TMEM132D: variants seen among roughly 807,000 people sequenced by gnomAD.
TMEM132D encodes mature OL transmembrane protein.
A neutral mutation model predicts 62.3 loss-of-function variants in TMEM132D; 21 were observed. The ratio of observed to expected loss-of-function variants is 0.34; its 90% CI spans 0.24 to 0.49. The LOEUF is 0.49. TMEM132D is among the 20% of genes least tolerant of loss of function. The pLI is 0.99. For missense variants in TMEM132D, 1,346 were observed against 1,402.8 expected (o/e 0.96, Z 0.65); for synonymous variants, 621 against 575.6 (o/e 1.08, Z -1.13).
chr12:129,502,190 G>T (rs564726555), intron 3 of TMEM132D, among the ~76,000 whole-genome samples: 1 of 151,886 alleles, frequency 6.6e-6, no homozygotes, highest in African/African-American at 2.4e-5. Context: ...TAGTAGAGAC[G>T]GGGTTTCACT....
At chr12:129,199,913 G>A (rs976599649) in intron 5 of TMEM132D, among the ~76,000 whole-genome samples, 5 of 152,136 alleles carry the variant, frequency 3.3e-5, no homozygotes, top group Admixed American at 6.6e-5. Context: ...TTTGGGTGGG[G>A]ACACAGCCAA....
In TMEM132D at chr12:129,871,312, T is replaced by C. The variant is rs541982701; in HGVS notation, c.79+31949A>G. On this transcript the variant is annotated intron_variant, in intron 1 of 8. Coordinates refer to ENST00000422113, the MANE Select transcript of TMEM132D (RefSeq NM_133448.3). ...ATGGAGGTCATCCTGAAGTTGACTG[T>C]CATCTTGATATCATGAGGGCAAGTC... Among the ~76,000 whole-genome samples the C allele has an allele frequency of 7.9e-5, 12 of 152,206 alleles. No homozygotes were observed. In the South Asian group the frequency reaches 2.3e-3, roughly 29 times the overall value.
At chr12:129,759,601 T>A (rs1290905842) in intron 1 of TMEM132D, among the ~76,000 whole-genome samples, 1 of 152,192 alleles carries the variant, frequency 6.6e-6, no homozygotes, top group East Asian at 1.9e-4. Flanking sequence ...TAGGTAAAAG[T>A]CCCAGTGCCA....
chr12:129,717,322 G>A (rs1868624289), intron 1 of TMEM132D, among the ~76,000 whole-genome samples: 1 of 152,124 alleles, frequency 6.6e-6, no homozygotes, highest in Non-Finnish European at 1.5e-5. Context: ...TTTGACACAT[G>A]GATTCTTCAT....
At position 129,699,823 on chromosome 12, in the gene TMEM132D, G is replaced by A. The variant is rs370621503; in HGVS notation, c.955C>T (p.Arg319Cys). The change falls in exon 2 of 9, where the codon CGC (arginine) becomes TGC (cysteine). Residue 319 changes from arginine (R) to cysteine (C), a missense_variant. By Grantham distance (180) the Arg-to-Cys change is radical (BLOSUM62 -3). Transcript: ENST00000422113. ...GAAACGACTTACCTCAACGTGAAGC[G>A]ATCTTCAGTGGAATTTCTGGAGATG... ...VSISRNSTED[R>C]FTLRAKVKKG... 3.7e-6 allele frequency: 6 copies of A among 1,613,926 alleles called. No homozygotes were observed. The highest frequency in any genetic ancestry group is 2.2e-5 in the South Asian group (2 of 91,076).
chr12:129,769,244 A>C (rs949726524), intron 1 of TMEM132D, among the ~76,000 whole-genome samples: 3 of 152,184 alleles, frequency 2.0e-5, no homozygotes, highest in Non-Finnish European at 2.9e-5. Context: ...AAAGAAAAAG[A>C]GGTTGAACGA....
At chr12:129,814,324 C>A (rs1340063643) in intron 1 of TMEM132D, among the ~76,000 whole-genome samples, 1 of 152,096 alleles carries the variant, frequency 6.6e-6, no homozygotes, top group African/African-American at 2.4e-5. Flanking sequence ...TTTTTAAAAA[C>A]TAACGCCAGG....
chr12:129,134,810 T>C (rs1876507713), intron 5 of TMEM132D, among the ~76,000 whole-genome samples: 1 of 152,114 alleles, frequency 6.6e-6, no homozygotes, highest in Admixed American at 6.5e-5. Flanking sequence ...TACTTCTCCT[T>C]CTTCTCCTAA....
At chr12:129,884,699 T>C (rs545340943) in intron 1 of TMEM132D, among the ~76,000 whole-genome samples, 2 of 152,348 alleles carry the variant, frequency 1.3e-5, no homozygotes, top group Admixed American at 1.3e-4. Flanking sequence ...TTTTGCAAAA[T>C]AGTTTGGCAG....
At chr12:129,790,707 C>T (rs999706900) in intron 1 of TMEM132D, among the ~76,000 whole-genome samples, 2 of 152,112 alleles carry the variant, frequency 1.3e-5, no homozygotes, top group Non-Finnish European at 2.9e-5. Flanking sequence ...CACTTTGGGC[C>T]ATGGTATAAG....
At chr12:129,298,144 T>C (rs1268875542) in intron 4 of TMEM132D, among the ~76,000 whole-genome samples, 1 of 151,932 alleles carries the variant, frequency 6.6e-6, no homozygotes, top group African/African-American at 2.4e-5. Context: ...CTCATGGGTG[T>C]AGAGGGTAGG....
rs568923298 is a variant in TMEM132D at position 129,580,010 on chromosome 12, G to A, written c.969-48805C>T. On this transcript the variant is annotated intron_variant, in intron 2 of 8. Transcript: ENST00000422113. ...GGAAGAGGGACAATAAAGACAAGAC[G>A]CATCATCACATTGACCATCCAAAGA... is the stretch of plus-strand genomic sequence containing the variant. Among the ~76,000 whole-genome samples the A allele has an allele frequency of 5.3e-5, 8 of 152,260 alleles. No homozygotes were observed. The South Asian group carries it at 6.2e-4, about 12-fold the overall frequency.
intron 3 of TMEM132D, among the ~76,000 whole-genome samples, chr12:129,399,900 G>A (rs1432122954): frequency 1.3e-5 from 2 of 150,656 alleles, no homozygotes; most frequent in Non-Finnish European, 2.9e-5. Context: ...TGTGTGGGGG[G>A]GTATATACAT....
chr12:129,200,426 C>T (rs1029880596), intron 5 of TMEM132D, among the ~76,000 whole-genome samples: 3 of 152,148 alleles, frequency 2.0e-5, no homozygotes, highest in East Asian at 3.9e-4. Context: ...CCAGTCTGCT[C>T]CCTGAGAACT....
chr12:129,498,937 C>G (rs1353212763), intron 3 of TMEM132D, among the ~76,000 whole-genome samples: 1 of 152,182 alleles, frequency 6.6e-6, no homozygotes, highest in Non-Finnish European at 1.5e-5. Context: ...CAGGGAATCA[C>G]TTCATTTCTC....
chr12:129,648,178 G>A (rs1879834836), intron 2 of TMEM132D, among the ~76,000 whole-genome samples: 1 of 152,020 alleles, frequency 6.6e-6, no homozygotes, highest in Non-Finnish European at 1.5e-5. Context: ...ACCTGAGATT[G>A]GTGTTTGGGG....
intron 3 of TMEM132D, among the ~76,000 whole-genome samples, chr12:129,485,685 A>T (rs538426342): frequency 7.9e-5 from 12 of 152,324 alleles, no homozygotes; most frequent in African/African-American, 2.6e-4. Context: ...TCTCCACAGG[A>T]ACATGCCCCT....
chr12:129,488,396 G>T (rs571948238), intron 3 of TMEM132D, among the ~76,000 whole-genome samples: 1 of 152,224 alleles, frequency 6.6e-6, no homozygotes, highest in South Asian at 2.1e-4. Context: ...CTTATTGTCG[G>T]GTGTGGTGGC....
At chr12:129,666,598 T>G (rs1291516521) in intron 2 of TMEM132D, among the ~76,000 whole-genome samples, 1 of 152,184 alleles carries the variant, frequency 6.6e-6, no homozygotes, top group East Asian at 1.9e-4. Flanking sequence ...TTACCTACTT[T>G]GGAGCATTAG....
Sources: allele counts gnomAD v4.1 joint callset (sites outside exome capture counted in the v4.1 genomes callset), GRCh38; gene constraint gnomAD v4.1.1; transcripts MANE v1.5; gene names NCBI Gene and HGNC (gene_info 2026-07-23, HGNC 2026-07-21).